Variants in NEBL observed in about 807,000 individuals in gnomAD.
The protein encoded by NEBL is LIM and SH3 protein 2.
In NEBL, 122 loss-of-function variants were observed where a neutral mutation model predicts 140.2. That is an observed-to-expected ratio of 0.87 (90% CI 0.75 to 1.01). NEBL has a LOEUF of 1.01. Among genes scored for constraint, NEBL ranks in the 50% least tolerant of loss-of-function variants. The pLI is 0.00. For missense variants in NEBL, 1,365 were observed against 1,231.3 expected, an observed-to-expected ratio of 1.11 and a Z score of -1.62; for synonymous variants, 436 against 398.9, an observed-to-expected ratio of 1.09 and a Z score of -1.11.
Position 20,808,765 on chromosome 10 carries a change from T to G in NEBL, c.2612-106A>C, listed in dbSNP as rs1232917003. On this transcript the variant is annotated intron_variant, in intron 25 of 27. Coordinates refer to ENST00000377122, the MANE Select transcript of NEBL (RefSeq NM_006393.3). ...ACAGAGAAGAAAAACCATCTCTTAG[T>G]AAAGAATAACTCAAAATCTCAGCGC... is the stretch of plus-strand genomic sequence containing the variant. The G allele has an allele frequency of 7.2e-6, 9 of 1,246,644 alleles. No individual in the cohort carries two copies. The African/African-American group carries it at 8.9e-5, about 12-fold the overall frequency. 77.2% of individuals were successfully genotyped at this position (1,246,644 alleles called of 1,614,324 possible).
At chr10:21,045,648 C>A (rs1353811850) in intron 2 of NEBL, among the ~76,000 whole-genome samples, 2 of 152,076 alleles carry the variant, frequency 1.3e-5, no homozygotes, top group African/African-American at 2.4e-5. Flanking sequence ...CAGGGAAATT[C>A]AAATTAAAAC....
At chr10:21,172,481 G>GAAA (rs11413698) in intron 1 of NEBL, 341 of 1,384,732 alleles carry the variant, frequency 2.5e-4, no homozygotes, top group East Asian at 8.6e-4. Flanking sequence ...GCCAATACTG[G>GAAA]AAAAAAAAAA....
chr10:21,141,336 A>G (rs1839624055), intron 2 of NEBL, among the ~76,000 whole-genome samples: 1 of 152,214 alleles, frequency 6.6e-6, no homozygotes, highest in Admixed American at 6.6e-5. Context: ...GGAAATACAC[A>G]GTGCATTATT....
intron 3 of NEBL, among the ~76,000 whole-genome samples, chr10:21,205,184 A>G (rs934306991): frequency 3.3e-5 from 5 of 152,232 alleles, no homozygotes; most frequent in Non-Finnish European, 7.3e-5. Flanking sequence ...AAACAAGGCA[A>G]ATTGGTACAT....
At chr10:20,903,705 G>A (rs77322342) in intron 4 of NEBL, among the ~76,000 whole-genome samples, 1,584 of 151,864 alleles carry the variant, frequency 0.01, 96 homozygotes, top group Admixed American at 0.092. Context: ...ACAAAATAAC[G>A]TATTTTGTAG....
At chr10:20,815,830 A>G in intron 21 of NEBL, 113 bp from the exon 22 acceptor site, 1 of 782,116 alleles carries the variant, frequency 1.3e-6, no homozygotes, top group South Asian at 1.4e-5. Flanking sequence ...GTGCAGTGGT[A>G]CAATCTTTGC....
intron 14 of NEBL, among the ~76,000 whole-genome samples, chr10:20,832,633 C>T (rs1187152702): frequency 6.6e-6 from 1 of 152,164 alleles, no homozygotes; most frequent in South Asian, 2.1e-4. Context: ...TTAACTATAG[C>T]CAATTAAATT....
rs147791122 is a variant in NEBL, at chr10:20,785,722, A to C, written c.*25T>G. On this transcript the variant is annotated 3_prime_UTR_variant, in exon 28 of 28. Coordinates refer to ENST00000377122, the MANE Select transcript of NEBL (RefSeq NM_006393.3). The stretch of plus-strand genomic sequence containing the variant: ...ATTAGGTTTGGGATACATTAGAATA[A>C]AGCTCAAAGGGCAGGGAGAAATAAT... 1.2e-6 allele frequency: 2 copies of C among 1,610,020 alleles called. No individual in the cohort carries two copies. Among genetic ancestry groups the C allele is most frequent in the East Asian group, 4.5e-5 (2 of 44,650 alleles).
intron 3 of NEBL, among the ~76,000 whole-genome samples, chr10:21,201,342 A>C (rs576865529): frequency 2.6e-5 from 4 of 152,344 alleles, no homozygotes; most frequent in African/African-American, 9.6e-5. Context: ...AGAACAACAG[A>C]GTGTGATCTT....
rs1835016548 is a variant in NEBL at position 20,781,207 on chromosome 10, A to G, written c.*4540T>C. 6.6e-6 allele frequency: 1 copy of G among 152,666 alleles called. No individual in the cohort carries two copies. The highest frequency in any genetic ancestry group is 6.5e-5 in the Admixed American group (1 of 15,280). The allele number at this position is 152,666 out of a possible 1,614,324, so 9.5% of individuals were successfully genotyped here. On this transcript the variant is annotated 3_prime_UTR_variant, in exon 28 of 28. Transcript: ENST00000377122. ...GCTGGTGTTAACAATTTGCATAACA[A>G]AAGCCAAATTATATTAGTAACATTG... is the stretch of plus-strand genomic sequence containing the variant.
At chr10:21,101,890 T>C (rs187567066) in intron 2 of NEBL, among the ~76,000 whole-genome samples, 1 of 152,328 alleles carries the variant, frequency 6.6e-6, no homozygotes, top group East Asian at 1.9e-4. Context: ...TTAGGAAACA[T>C]CACGCTTTGA....
At chr10:21,156,865 C>A (rs1363958538) in intron 2 of NEBL, among the ~76,000 whole-genome samples, 1 of 152,178 alleles carries the variant, frequency 6.6e-6, no homozygotes, top group African/African-American at 2.4e-5. Flanking sequence ...GCCAAGGTCA[C>A]AATCATGAGT....
intron 3 of NEBL, among the ~76,000 whole-genome samples, chr10:21,247,416 G>A (rs1842532076): frequency 6.6e-6 from 1 of 152,140 alleles, no homozygotes; most frequent in Non-Finnish European, 1.5e-5. Flanking sequence ...CTATAATGAT[G>A]AAAACCAGAT....
chr10:21,005,998 C>T (rs770483219), intron 3 of NEBL, among the ~76,000 whole-genome samples: 7 of 152,026 alleles, frequency 4.6e-5, no homozygotes, highest in Non-Finnish European at 7.4e-5. Context: ...GACATAGATA[C>T]GCAAACGCAG....
At chr10:20,929,120 C>T (rs1589027483) in intron 4 of NEBL, among the ~76,000 whole-genome samples, 1 of 151,896 alleles carries the variant, frequency 6.6e-6, no homozygotes, top group East Asian at 1.9e-4. Context: ...GGGTATCTAC[C>T]CAGAGGAAAA....
intron 2 of NEBL, among the ~76,000 whole-genome samples, chr10:21,055,084 T>C (rs1342179420): frequency 1.3e-5 from 2 of 152,252 alleles, no homozygotes; most frequent in South Asian, 2.1e-4. Flanking sequence ...TAGTTCATTA[T>C]ATCTGGGGGA....
intron 1 of NEBL, among the ~76,000 whole-genome samples, chr10:21,285,094 C>A (rs1843039067): frequency 6.6e-6 from 1 of 152,172 alleles, no homozygotes; most frequent in Non-Finnish European, 1.5e-5. Flanking sequence ...CTAACTGAGT[C>A]ACTATGACAT....
intron 17 of NEBL, 103 bp from the exon 18 acceptor site, chr10:20,826,642 T>G: frequency 1.2e-6 from 1 of 823,346 alleles, no homozygotes; most frequent in Non-Finnish European, 2.0e-6. Context: ...ATAATATGAA[T>G]ACTGCATCTA....
chr10:21,081,104 C>G (rs572489900), intron 2 of NEBL, among the ~76,000 whole-genome samples: 1 of 152,338 alleles, frequency 6.6e-6, no homozygotes, highest in Admixed American at 6.5e-5. Flanking sequence ...ATCCACCCAC[C>G]TCGACCTCCC....
Sources: gnomAD v4.1 joint callset for allele counts (sites outside exome capture counted in the v4.1 genomes callset) on GRCh38, gnomAD v4.1.1 for gene constraint, MANE v1.5 for transcripts, NCBI Gene and HGNC (gene_info 2026-07-23, HGNC 2026-07-21) for gene names.